The following STXBP6 variants were observed in gnomAD, a reference collection of about 807,000 sequenced individuals.
The protein encoded by STXBP6 is syntaxin binding protein 6.
In STXBP6, 21 loss-of-function variants were observed where a neutral mutation model predicts 26.9. The ratio of observed to expected loss-of-function variants is 0.78; its 90% CI spans 0.55 to 1.12. STXBP6 has a LOEUF of 1.12. Among genes scored for constraint, STXBP6 ranks in the 50% most tolerant of loss-of-function variants. The pLI, the probability that STXBP6 is intolerant of heterozygous loss-of-function variation, is 0.00. For synonymous variants in STXBP6, 97 were observed against 92.6 expected (o/e 1.05, Z -0.27); for missense variants, 232 against 257.9 (o/e 0.90, Z 0.69).
chr14:25,003,472 T>C (rs532032469), intron 1 of STXBP6, among the ~76,000 whole-genome samples: 1 of 152,152 alleles, frequency 6.6e-6, no homozygotes, highest in African/African-American at 2.4e-5. Context: ...TGTGCATGCA[T>C]CCATTTTCAG....
At chr14:24,864,387 C>G (rs2069644915) in intron 2 of STXBP6, among the ~76,000 whole-genome samples, 1 of 152,080 alleles carries the variant, frequency 6.6e-6, no homozygotes, top group African/African-American at 2.4e-5. Context: ...CATATTTTAC[C>G]TAGAAGAGCG....
At chr14:24,867,037 T>C (rs574008648) in intron 2 of STXBP6, among the ~76,000 whole-genome samples, 18 of 152,152 alleles carry the variant, frequency 1.2e-4, no homozygotes, top group Non-Finnish European at 2.4e-4. Flanking sequence ...GGTTGGTTGA[T>C]GGTTACTCTG....
chr14:24,905,911 T>G (rs1405142978), intron 2 of STXBP6, among the ~76,000 whole-genome samples: 1 of 152,148 alleles, frequency 6.6e-6, no homozygotes, highest in Non-Finnish European at 1.5e-5. Context: ...GGGAGATAAA[T>G]TGTGGGCCAC....
chr14:24,888,897 G>T, intron 2 of STXBP6, among the ~76,000 whole-genome samples: 1 of 152,092 alleles, frequency 6.6e-6, no homozygotes, highest in East Asian at 1.9e-4. Context: ...TTTCTTCAAA[G>T]AGAACATTTG....
At position 24,953,248 on chromosome 14, in the gene STXBP6, T is replaced by C. The variant is rs116013271; in HGVS notation, c.154+21417A>G. Among the ~76,000 whole-genome samples the C allele has an allele frequency of 5.8e-3, 884 of 152,324 alleles. 9 individuals carry two copies. The highest frequency in any genetic ancestry group is 0.02 in the African/African-American group (843 of 41,572). On this transcript the variant is annotated intron_variant, in intron 2 of 5. Coordinates refer to ENST00000323944, the MANE Select transcript of STXBP6 (RefSeq NM_001394410.1). ...GTATAAAGACACATGTGATGGCATG[T>C]AGGCGCAGCAGGATGACGATCCAGG...
intron 2 of STXBP6, among the ~76,000 whole-genome samples, chr14:24,955,768 G>A (rs2073323624): frequency 6.6e-6 from 1 of 152,168 alleles, no homozygotes; most frequent in African/African-American, 2.4e-5. Flanking sequence ...CCAACTGTGT[G>A]GGCAACAGGA....
intron 4 of STXBP6, among the ~76,000 whole-genome samples, chr14:24,833,835 T>C (rs1382023409): frequency 6.6e-6 from 1 of 152,230 alleles, no homozygotes; most frequent in Non-Finnish European, 1.5e-5. Context: ...CCAAAATTGT[T>C]ATTATGGTCT....
At position 24,857,171 on chromosome 14, in the gene STXBP6, A is replaced by G. The variant is rs2069367751; in HGVS notation, c.155-14T>C. ...TCTTGTTTGTCACTGCCAAGAAAAG[A>G]TCACTCAGATTAGTGCACCTGCAAG... On this transcript the variant is annotated splice_polypyrimidine_tract_variant and intron_variant, in intron 2 of 5. Transcript: ENST00000323944. 6.2e-7 allele frequency: 1 copy of G among 1,612,350 alleles called. No homozygotes were observed. The highest frequency in any genetic ancestry group is 1.7e-5 in the Admixed American group (1 of 59,900).
intron 2 of STXBP6, among the ~76,000 whole-genome samples, chr14:24,927,710 T>G (rs1287203669): frequency 6.6e-6 from 1 of 152,240 alleles, no homozygotes; most frequent in Non-Finnish European, 1.5e-5. Flanking sequence ...GTAGCCTTCC[T>G]TCAAGTGACA....
chr14:24,868,169 A>G (rs2069791485), intron 2 of STXBP6, among the ~76,000 whole-genome samples: 1 of 152,332 alleles, frequency 6.6e-6, no homozygotes, highest in South Asian at 2.1e-4. Context: ...ACTGCACTCC[A>G]GCTTGGAAGA....
chr14:24,936,250 C>A (rs1195801032), intron 2 of STXBP6, among the ~76,000 whole-genome samples: 1 of 152,056 alleles, frequency 6.6e-6, no homozygotes, highest in East Asian at 1.9e-4. Flanking sequence ...TTTCCTGCTC[C>A]CCCTCCTCCT....
intron 1 of STXBP6, among the ~76,000 whole-genome samples, chr14:25,033,298 G>A (rs1023133026): frequency 1.3e-5 from 2 of 151,966 alleles, no homozygotes; most frequent in East Asian, 1.9e-4. Context: ...ACCTCCACCC[G>A]GTTCGCTCCA....
intron 2 of STXBP6, among the ~76,000 whole-genome samples, chr14:24,868,927 G>A (rs912983438): frequency 6.6e-6 from 1 of 152,182 alleles, no homozygotes; most frequent in African/African-American, 2.4e-5. Flanking sequence ...GGAGGCCACT[G>A]CTTATTGAAC....
chr14:24,894,200 T>C (rs1305704979), intron 2 of STXBP6, among the ~76,000 whole-genome samples: 1 of 152,164 alleles, frequency 6.6e-6, no homozygotes, highest in African/African-American at 2.4e-5. Context: ...CAAAGACCAA[T>C]TTGGAAAGTA....
intron 4 of STXBP6, among the ~76,000 whole-genome samples, chr14:24,837,066 T>G (rs1386813118): frequency 6.6e-6 from 1 of 152,230 alleles, no homozygotes; most frequent in Non-Finnish European, 1.5e-5. Flanking sequence ...AGAGTATATA[T>G]GGCATTGCAA....
chr14:24,990,557 C>T (rs2074439978), intron 1 of STXBP6, among the ~76,000 whole-genome samples: 1 of 148,666 alleles, frequency 6.7e-6, no homozygotes, highest in Non-Finnish European at 1.5e-5. Flanking sequence ...ACTCAGGAGG[C>T]TGAGGCAGGA....
rs537884213 is a variant in STXBP6, at chr14:24,812,300, C to T, written c.*409G>A. ...GGAAAAATAACATCTGATGTCACCA[C>T]ATTAAAATGCCTTCCTGCTTAATAT... On this transcript the variant is annotated 3_prime_UTR_variant, in exon 6 of 6. Coordinates refer to ENST00000323944, the MANE Select transcript of STXBP6 (RefSeq NM_001394410.1). The T allele has an allele frequency of 5.4e-5, 9 of 166,362 alleles. No homozygotes were observed. Among genetic ancestry groups the T allele is most frequent in the East Asian group, 1.7e-4 (1 of 5,944 alleles). The allele number at this position is 166,362 out of a possible 1,614,324, so 10.3% of individuals were successfully genotyped here.
At chr14:24,974,150 T>A (rs968470287) in intron 2 of STXBP6, among the ~76,000 whole-genome samples, 2 of 152,090 alleles carry the variant, frequency 1.3e-5, no homozygotes, top group African/African-American at 2.4e-5. Flanking sequence ...AGATGCCTCT[T>A]CTTGACAAGG....
At chr14:24,849,741 G>T (rs1209058063) in intron 4 of STXBP6, among the ~76,000 whole-genome samples, 1 of 152,128 alleles carries the variant, frequency 6.6e-6, no homozygotes, top group Non-Finnish European at 1.5e-5. Context: ...CAGCTAAGAA[G>T]CCTGGCCTCC....
Sources: gnomAD v4.1 joint callset for allele counts (sites outside exome capture counted in the v4.1 genomes callset) on GRCh38, gnomAD v4.1.1 for gene constraint, MANE v1.5 for transcripts, NCBI Gene and HGNC (gene_info 2026-07-23, HGNC 2026-07-21) for gene names.